NCKAP5: variants seen among roughly 807,000 people sequenced by gnomAD.
NCKAP5 encodes the protein nck-associated protein 5.
NCKAP5 carries 92 observed loss-of-function variants against 167.0 expected under a neutral mutation model. The observed-to-expected ratio is 0.55, with a 90% CI of 0.47 to 0.66. NCKAP5 has a LOEUF of 0.66. Among genes scored for constraint, NCKAP5 ranks in the 30% least tolerant of loss-of-function variants. The pLI is 0.00. For synonymous variants in NCKAP5, 891 were observed against 877.4 expected (o/e 1.02, Z -0.27); for missense variants, 2,378 against 2,315.0 (o/e 1.03, Z -0.56).
intron 2 of NCKAP5, among the ~76,000 whole-genome samples, chr2:133,558,727 G>C (rs971346110): frequency 2.2e-4 from 7 of 32,044 alleles, no homozygotes; most frequent in African/African-American, 3.9e-4. Flanking sequence ...AAAAAAAAAA[G>C]CCCATATGGC....
At chr2:133,359,166 G>A (rs1684929424) in intron 3 of NCKAP5, among the ~76,000 whole-genome samples, 2 of 152,138 alleles carry the variant, frequency 1.3e-5, no homozygotes, top group South Asian at 2.1e-4. Context: ...AGGCACCTTG[G>A]TATTATCAGA....
At chr2:133,591,134 C>A in the NCKAP5 span, among the ~76,000 whole-genome samples, 1 of 152,066 alleles carries the variant, frequency 6.6e-6, no homozygotes, top group African/African-American at 2.4e-5. Context: ...CCAGTGAGTG[C>A]GGGGAGAGGG....
intron 3 of NCKAP5, 62 bp downstream of exon 3, chr2:133,517,392 ACAGT>A (rs1684090902): frequency 1.5e-5 from 12 of 784,838 alleles, no homozygotes; most frequent in Non-Finnish European, 2.3e-5. Context: ...TCAGGAAATA[ACAGT>A]CAAAGAATAA....
chr2:133,185,232 C>T (rs527803917), intron 5 of NCKAP5, among the ~76,000 whole-genome samples: 4 of 152,014 alleles, frequency 2.6e-5, no homozygotes, highest in Non-Finnish European at 5.9e-5. Flanking sequence ...TTCCCTATTG[C>T]TTATTTTTTG....
intron 3 of NCKAP5, among the ~76,000 whole-genome samples, chr2:133,409,965 T>A (rs1462719809): frequency 6.6e-6 from 1 of 152,162 alleles, no homozygotes; most frequent in Non-Finnish European, 1.5e-5. Flanking sequence ...TAATGACTAA[T>A]AAAAATGGTA....
At chr2:133,028,316 T>C (rs1021779321) in intron 6 of NCKAP5, among the ~76,000 whole-genome samples, 16 of 152,328 alleles carry the variant, frequency 1.1e-4, no homozygotes, top group African/African-American at 3.6e-4. Context: ...AAATGAAGCA[T>C]ATTCTTTTAA....
chr2:133,270,296 G>A (rs1028709007), intron 4 of NCKAP5, among the ~76,000 whole-genome samples: 8 of 152,058 alleles, frequency 5.3e-5, no homozygotes, highest in Non-Finnish European at 1.0e-4. Flanking sequence ...TTTATTGTAC[G>A]TAAACTAAAC....
intron 10 of NCKAP5, among the ~76,000 whole-genome samples, chr2:132,867,545 G>A (rs1690453957): frequency 6.6e-6 from 1 of 152,160 alleles, no homozygotes; most frequent in African/African-American, 2.4e-5. Flanking sequence ...GCTTTTGGAA[G>A]TGTCCTTTAA....
intron 3 of NCKAP5, among the ~76,000 whole-genome samples, chr2:133,357,669 T>A (rs911536739): frequency 1.2e-4 from 19 of 152,228 alleles, no homozygotes; most frequent in African/African-American, 3.9e-4. Flanking sequence ...GCTTTAGAAA[T>A]GACCTCCTTA....
Position 132,907,369 on chromosome 2 carries a change from C to T in NCKAP5, c.580-28453G>A, listed in dbSNP as rs181576743. ...GGGCATTTCAGAGATTAAGATCACG[C>T]GGGTAGCAAAGTCTTCAGGGCTGCT... On this transcript the variant is annotated intron_variant, in intron 8 of 19. Coordinates refer to ENST00000409261, the MANE Select transcript of NCKAP5 (RefSeq NM_207363.3). Among the ~76,000 whole-genome samples the T allele has an allele frequency of 1.4e-3, 220 of 152,306 alleles. 1 individual carries two copies. The highest frequency in any genetic ancestry group is 8.7e-3 in the South Asian group (42 of 4,824).
At chr2:132,815,701 G>C (rs1686214603) in intron 11 of NCKAP5, among the ~76,000 whole-genome samples, 1 of 152,178 alleles carries the variant, frequency 6.6e-6, no homozygotes, top group Non-Finnish European at 1.5e-5. Flanking sequence ...AAAAGCCAAT[G>C]GTTGAGTCAC....
At chr2:133,444,990 T>C (rs1437939858) in intron 3 of NCKAP5, among the ~76,000 whole-genome samples, 1 of 152,228 alleles carries the variant, frequency 6.6e-6, no homozygotes, top group Non-Finnish European at 1.5e-5. Context: ...AAAAATAAGC[T>C]TTTAGGTAAT....
intron 6 of NCKAP5, among the ~76,000 whole-genome samples, chr2:133,070,257 G>T (rs1208372470): frequency 6.6e-6 from 1 of 152,104 alleles, no homozygotes; most frequent in Non-Finnish European, 1.5e-5. Context: ...ACCCAGTAAG[G>T]ATAATAACTG....
intron 3 of NCKAP5, among the ~76,000 whole-genome samples, chr2:133,361,136 G>A (rs148026974): frequency 2.0e-5 from 3 of 152,108 alleles, no homozygotes; most frequent in Admixed American, 6.6e-5. Context: ...CATCAGAGAT[G>A]AGAGGAGGAG....
intron 4 of NCKAP5, 121 bp from the exon 5 acceptor site, chr2:133,213,900 C>T: frequency 1.3e-6 from 1 of 799,728 alleles, no homozygotes; most frequent in Admixed American, 2.3e-5. Context: ...AGCTCACTTC[C>T]TCCTCTATAC....
chr2:132,913,299 A>T (rs1694598325), intron 8 of NCKAP5, among the ~76,000 whole-genome samples: 1 of 152,140 alleles, frequency 6.6e-6, no homozygotes, highest in Non-Finnish European at 1.5e-5. Context: ...ATAAACACAG[A>T]TCTGACTATC....
Position 133,549,181 on chromosome 2 carries a change from A to G in NCKAP5, c.-62+9869T>C, listed in dbSNP as rs367745947. On this transcript the variant is annotated intron_variant, in intron 2 of 19. Coordinates refer to ENST00000409261, the MANE Select transcript of NCKAP5 (RefSeq NM_207363.3). ...ATCAATTCAACAAGAAGAGCTAACT[A>G]TCCTAAATATATATGCACCCAATAC... Among the ~76,000 whole-genome samples the G allele has an allele frequency of 3.3e-5, 5 of 151,674 alleles. No homozygotes were observed. The East Asian group carries it at 9.7e-4, about 29-fold the overall frequency.
At chr2:132,702,957 T>A (rs1055959516) in intron 19 of NCKAP5, among the ~76,000 whole-genome samples, 1 of 152,146 alleles carries the variant, frequency 6.6e-6, no homozygotes, top group Non-Finnish European at 1.5e-5. Flanking sequence ...TGCAGAAGGA[T>A]CTCTTGAGGG....
chr2:133,672,109 G>T, the NCKAP5 span, among the ~76,000 whole-genome samples: 1 of 152,216 alleles, frequency 6.6e-6, no homozygotes, highest in Admixed American at 6.5e-5. Flanking sequence ...CTTTCAAAAA[G>T]CTCCTTTGAC....
Sources: allele counts gnomAD v4.1 joint callset (sites outside exome capture counted in the v4.1 genomes callset), GRCh38; gene constraint gnomAD v4.1.1; transcripts MANE v1.5; gene names NCBI Gene and HGNC (gene_info 2026-07-23, HGNC 2026-07-21).